Variants in RPH3AL observed in about 807,000 individuals in gnomAD.
RPH3AL encodes rab effector Noc2.
A neutral mutation model predicts 43.1 loss-of-function variants in RPH3AL; 38 were observed. The ratio of observed to expected loss-of-function variants is 0.88; its 90% confidence interval spans 0.68 to 1.15. The LOEUF is 1.15. Ranked by LOEUF, RPH3AL falls within the 50% of genes most tolerant of loss-of-function variation. The probability of loss-of-function intolerance (pLI) is 0.00; values close to 1 mark genes in which losing one functional copy is unlikely to be tolerated. For synonymous variants in RPH3AL, 189 were observed against 176.3 expected, an observed-to-expected ratio of 1.07 and a Z score of -0.57; for missense variants, 462 against 423.2, an observed-to-expected ratio of 1.09 and a Z score of -0.81.
chr17:267,356 C>A (rs1219276244), intron 6 of RPH3AL, among the ~76,000 whole-genome samples: 1 of 152,234 alleles, frequency 6.6e-6, no homozygotes, highest in African/African-American at 2.4e-5. Context: ...GGCTGCGAAG[C>A]CGCCTCTGTT....
chr17:232,827 GGCGTGTGTGTGTGTGTGT>G (rs2041259036), intron 7 of RPH3AL, among the ~76,000 whole-genome samples: 1 of 130,180 alleles, frequency 7.7e-6, no homozygotes, highest in East Asian at 2.2e-4. Context: ...AGTCCTTTCC[GGCGTGTGTGTGTGTGTGT>G]GTGTGTGTGT....
At chr17:318,776 A>C (rs531495944) in intron 5 of RPH3AL, among the ~76,000 whole-genome samples, 1 of 152,358 alleles carries the variant, frequency 6.6e-6, no homozygotes, top group Admixed American at 6.5e-5. Flanking sequence ...GGCACAATTT[A>C]GTATAAGAAG....
rs150931584 is a variant in RPH3AL at position 323,361 on chromosome 17, G to T, written c.78-1946C>A. Among the ~76,000 whole-genome samples the T allele has an allele frequency of 8.5e-5, 13 of 152,274 alleles. No homozygotes were observed. The East Asian group carries it at 1.7e-3, about 20-fold the overall frequency. The stretch of plus-strand genomic sequence containing the variant: ...CGGGGCAGCAGGGCAGGGCTGGAAG[G>T]GGGGCAAGGCCAGTAGAGTGGGCAG... On this transcript the variant is annotated intron_variant, in intron 3 of 9. Coordinates refer to ENST00000331302, the MANE Select transcript of RPH3AL (RefSeq NM_006987.4). The surrounding 1 kb of genome is among the most constrained non-coding windows in gnomAD (Gnocchi z 4.4).
At chr17:226,290 G>A (rs932962768) in intron 7 of RPH3AL, among the ~76,000 whole-genome samples, 1 of 151,882 alleles carries the variant, frequency 6.6e-6, no homozygotes. Context: ...GCAGGCGCCA[G>A]GAAGCCGATG....
chr17:248,442 AG>A (rs1333544703), intron 6 of RPH3AL, among the ~76,000 whole-genome samples: 8 of 152,110 alleles, frequency 5.3e-5, no homozygotes, highest in Non-Finnish European at 1.2e-4. Flanking sequence ...GGTGGGTCAG[AG>A]GGGGCCTGCC....
At chr17:230,138 G>A (rs1390659698) in intron 7 of RPH3AL, among the ~76,000 whole-genome samples, 2 of 152,196 alleles carry the variant, frequency 1.3e-5, no homozygotes, top group African/African-American at 4.8e-5. Flanking sequence ...GGCACAGACA[G>A]GGCTGGGAAT....
chr17:321,389 G>T lies in RPH3AL; in HGVS notation c.104C>A (p.Thr35Asn), dbSNP rs770892967. Residue 35 changes from threonine to asparagine, a missense_variant, in exon 4 of 10, where the codon ACC (threonine) becomes AAC (asparagine). Physicochemically the swap from Thr to Asn is moderately conservative, Grantham distance 65. Coordinates refer to ENST00000331302, the MANE Select transcript of RPH3AL (RefSeq NM_006987.4). ...AKLQTGWSVHTYQTEKQRRKQ... is the reference protein window; with the variant it reads ...AKLQTGWSVHNYQTEKQRRKQ... ...CCTCCTCTGCTTCTCCGTCTGGTAG[G>T]TGTGCACGGACCAGCCCGTCTGCAG... is the stretch of plus-strand genomic sequence containing the variant. The T allele has an allele frequency of 1.2e-6, 2 of 1,610,522 alleles. No homozygotes were observed. The highest frequency in any genetic ancestry group is 1.7e-6 in the Non-Finnish European group (2 of 1,179,892).
intron 8 of RPH3AL, among the ~76,000 whole-genome samples, chr17:218,305 C>T (rs1210105966): frequency 3.3e-4 from 45 of 136,722 alleles, no homozygotes; most frequent in South Asian, 4.9e-4. Context: ...TCGCTGAAAT[C>T]AGGACCCCCA....
At chr17:316,456 C>G (rs1008185481) in intron 5 of RPH3AL, among the ~76,000 whole-genome samples, 9 of 150,966 alleles carry the variant, frequency 6.0e-5, no homozygotes, top group Non-Finnish European at 1.2e-4. Context: ...TGCTCCACCT[C>G]CACTGACCTG....
chr17:286,935 G>C (rs35208243), intron 5 of RPH3AL, among the ~76,000 whole-genome samples: 2 of 69,726 alleles, frequency 2.9e-5, no homozygotes, highest in African/African-American at 6.6e-5. Flanking sequence ...GTCAGACCTC[G>C]CACCCTCTCT....
intron 8 of RPH3AL, among the ~76,000 whole-genome samples, chr17:216,387 G>A (rs1456810993): frequency 1.4e-5 from 2 of 144,738 alleles, no homozygotes; most frequent in Non-Finnish European, 3.0e-5. Flanking sequence ...GGTGGGGGTG[G>A]GGGATATATA....
intron 7 of RPH3AL, among the ~76,000 whole-genome samples, chr17:220,012 G>A (rs62059562): frequency 0.23 from 34,157 of 151,778 alleles, 4,732 homozygotes; most frequent in Non-Finnish European, 0.29. Context: ...ACCTCCACAT[G>A]ACAACCCCTG....
intron 1 of RPH3AL, among the ~76,000 whole-genome samples, chr17:341,909 C>G (rs576850676): frequency 1.3e-5 from 2 of 152,052 alleles, no homozygotes; most frequent in African/African-American, 4.8e-5. Context: ...AGGACACTAT[C>G]GAGAAGGTGA....
chr17:251,198 G>A (rs1279722518), intron 6 of RPH3AL, among the ~76,000 whole-genome samples: 2 of 152,158 alleles, frequency 1.3e-5, no homozygotes, highest in Non-Finnish European at 2.9e-5. Context: ...GTTCTTGAAC[G>A]GCCTGGAACC....
chr17:329,462 G>A (rs2044696323), intron 2 of RPH3AL, among the ~76,000 whole-genome samples: 1 of 152,162 alleles, frequency 6.6e-6, no homozygotes. Flanking sequence ...GGCAAAAAGA[G>A]CGAAACTCCG....
chr17:230,529 C>G (rs1567567209), intron 7 of RPH3AL, among the ~76,000 whole-genome samples: 1 of 152,168 alleles, frequency 6.6e-6, no homozygotes, highest in African/African-American at 2.4e-5. Flanking sequence ...GGACAGAGAA[C>G]AGGAAAAGCA....
chr17:317,971 T>C (rs990390296), intron 5 of RPH3AL, among the ~76,000 whole-genome samples: 2 of 151,628 alleles, frequency 1.3e-5, no homozygotes, highest in Non-Finnish European at 2.9e-5. Flanking sequence ...CAGGGTTTAT[T>C]ATTTCCTGAC....
At chr17:341,801 GCC>G (rs1192870221) in intron 1 of RPH3AL, among the ~76,000 whole-genome samples, 1 of 152,040 alleles carries the variant, frequency 6.6e-6, no homozygotes, top group Non-Finnish European at 1.5e-5. Flanking sequence ...TCCCACCTCG[GCC>G]CCCCAGATAG....
chr17:297,300 C>T (rs940236104), intron 5 of RPH3AL, among the ~76,000 whole-genome samples: 14 of 152,200 alleles, frequency 9.2e-5, no homozygotes, highest in East Asian at 5.8e-4. Flanking sequence ...ATAAACCAGT[C>T]AACATAAGCA....
Sources: allele counts gnomAD v4.1 joint callset (sites outside exome capture counted in the v4.1 genomes callset), GRCh38; gene constraint gnomAD v4.1.1; non-coding constraint Gnocchi (gnomAD v3.1); transcripts MANE v1.5; gene names NCBI Gene and HGNC (gene_info 2026-07-23, HGNC 2026-07-21).